AGBL1: variants seen among roughly 807,000 people sequenced by gnomAD.
AGBL1 encodes the protein cytosolic carboxypeptidase 4.
AGBL1 carries 130 observed loss-of-function variants against 118.9 expected under a neutral mutation model. The ratio of observed to expected loss-of-function variants is 1.09; its 90% CI spans 0.95 to 1.26. AGBL1 has a LOEUF of 1.26. AGBL1 is among the 50% of genes most tolerant of loss of function. The pLI is 0.00. For synonymous variants in AGBL1, 555 were observed against 478.9 expected, an observed-to-expected ratio of 1.16 and a Z score of -2.08; for missense variants, 1,584 against 1,298.1, an observed-to-expected ratio of 1.22 and a Z score of -3.38.
chr15:86,118,492 G>A (rs1045323497), intron 1 of AGBL1, among the ~76,000 whole-genome samples: 2 of 149,490 alleles, frequency 1.3e-5, no homozygotes, highest in African/African-American at 2.5e-5. Flanking sequence ...AAAAGGCAAT[G>A]AGAAGTTGCA....
intron 19 of AGBL1, among the ~76,000 whole-genome samples, chr15:86,530,048 A>G (rs12900915): frequency 0.46 from 54,450 of 119,456 alleles, 12,791 homozygotes; most frequent in East Asian, 0.65. Context: ...AAACTGCATC[A>G]ACTAACGAGC....
intron 23 of AGBL1, among the ~76,000 whole-genome samples, chr15:86,934,932 A>G (rs1032024418): frequency 1.3e-5 from 2 of 152,218 alleles, no homozygotes; most frequent in African/African-American, 4.8e-5. Flanking sequence ...TTCTGGATCC[A>G]TTCTCCTCCT....
chr15:86,662,277 T>C (rs1269139422), intron 21 of AGBL1, among the ~76,000 whole-genome samples: 1 of 152,220 alleles, frequency 6.6e-6, no homozygotes, highest in South Asian at 2.1e-4. Flanking sequence ...TCTGAAAAAA[T>C]TCACTTTTTT....
chr15:86,505,844 ATCTC>A (rs1360630484), intron 18 of AGBL1, among the ~76,000 whole-genome samples: 1 of 151,794 alleles, frequency 6.6e-6, no homozygotes, highest in Non-Finnish European at 1.5e-5. Flanking sequence ...TTTTTTTAAT[ATCTC>A]ATAAATTTTT....
chr15:86,489,969 A>G (rs2082759205), intron 18 of AGBL1, among the ~76,000 whole-genome samples: 1 of 152,112 alleles, frequency 6.6e-6, no homozygotes. Flanking sequence ...AGCAGTATAT[A>G]AAACATAAAA....
Position 86,615,897 on chromosome 15 carries a change from G to A in AGBL1, c.2995-58376G>A, listed in dbSNP as rs561915260. On this transcript the variant is annotated intron_variant, in intron 21 of 22. Transcript: ENST00000614907. This position sits in a 1 kb window ranked among gnomAD's most constrained non-coding sequence, Gnocchi z 4.3. Reference sequence around the variant, plus strand: ...TTGGGGTTATACATACATTGATAGGGGGCATCAATATAAGAAAAGATGTCA... The same window carrying A: ...TTGGGGTTATACATACATTGATAGGAGGCATCAATATAAGAAAAGATGTCA... 6.6e-6 allele frequency among the ~76,000 whole-genome samples: 1 copy of A among 151,434 alleles called. No homozygotes were observed. Among genetic ancestry groups the A allele is most frequent in the African/African-American group, 2.4e-5 (1 of 41,182 alleles).
intron 1 of AGBL1, among the ~76,000 whole-genome samples, chr15:86,096,903 A>G (rs1955149259): frequency 6.6e-6 from 1 of 152,112 alleles, no homozygotes. Flanking sequence ...TCTTAATCAG[A>G]TATCTTTTTT....
intron 22 of AGBL1, among the ~76,000 whole-genome samples, chr15:86,776,531 T>C: frequency 6.7e-6 from 1 of 149,738 alleles, no homozygotes; most frequent in South Asian, 2.1e-4. Flanking sequence ...CTTATTGATT[T>C]GTAGAAGTTC....
intron 6 of AGBL1, among the ~76,000 whole-genome samples, chr15:86,238,173 G>A (rs866045600): frequency 6.6e-6 from 1 of 152,096 alleles, no homozygotes; most frequent in African/African-American, 2.4e-5. Context: ...ATGTGAAATT[G>A]CCTTGTTTAG....
chr15:86,192,464 G>A (rs1292174844), intron 5 of AGBL1, among the ~76,000 whole-genome samples: 1 of 151,670 alleles, frequency 6.6e-6, no homozygotes, highest in African/African-American at 2.4e-5. Flanking sequence ...TCTATCACAT[G>A]GGCCATTCTA....
chr15:86,219,945 CTTTTTTTTTTTTTT>C (rs68023928), intron 5 of AGBL1, among the ~76,000 whole-genome samples: 1 of 85,778 alleles, frequency 1.2e-5, no homozygotes, highest in African/African-American at 4.3e-5. Context: ...AATGCTGCCT[CTTTTTTTTTTTTTT>C]TTTTTTTTTT....
intron 22 of AGBL1, among the ~76,000 whole-genome samples, chr15:86,753,877 T>G (rs1163601125): frequency 6.6e-6 from 1 of 152,118 alleles, no homozygotes; most frequent in African/African-American, 2.4e-5. Context: ...TCCCAGTGTC[T>G]TTTCAGGTTC....
chr15:86,244,560 AAACAT>A, intron 6 of AGBL1, among the ~76,000 whole-genome samples: 1 of 152,278 alleles, frequency 6.6e-6, no homozygotes, highest in Middle Eastern at 3.4e-3. Flanking sequence ...AAATGTTAGT[AAACAT>A]GAGAGTTTGC....
intron 22 of AGBL1, among the ~76,000 whole-genome samples, chr15:86,753,454 G>A (rs534156433): frequency 1.4e-5 from 2 of 142,042 alleles, no homozygotes; most frequent in Non-Finnish European, 3.0e-5. Context: ...CTGGAGTGCA[G>A]TGGCATGATC....
chr15:86,528,083 T>G (rs2083291349), intron 19 of AGBL1, among the ~76,000 whole-genome samples: 1 of 152,180 alleles, frequency 6.6e-6, no homozygotes, highest in African/African-American at 2.4e-5. Context: ...TATTTAAGAT[T>G]GTCCTTTTCT....
chr15:86,408,190 G>C (rs1341118816), intron 18 of AGBL1, among the ~76,000 whole-genome samples: 4 of 152,226 alleles, frequency 2.6e-5, no homozygotes, highest in Non-Finnish European at 4.4e-5. Flanking sequence ...AGAACCTGTA[G>C]GAGAAAGTTC....
At chr15:86,518,751 T>A (rs1422486342) in intron 18 of AGBL1, among the ~76,000 whole-genome samples, 1 of 151,964 alleles carries the variant, frequency 6.6e-6, no homozygotes, top group African/African-American at 2.4e-5. Context: ...TGCAAAATAA[T>A]TCAGTCTAGT....
chr15:86,659,147 A>T (rs1001356417), intron 21 of AGBL1, among the ~76,000 whole-genome samples: 5 of 151,992 alleles, frequency 3.3e-5, no homozygotes, highest in Non-Finnish European at 7.4e-5. Flanking sequence ...AGATTTCTAG[A>T]TTCTTGATCT....
At chr15:86,517,463 A>G (rs1384434095) in intron 18 of AGBL1, among the ~76,000 whole-genome samples, 5 of 152,214 alleles carry the variant, frequency 3.3e-5, no homozygotes, top group Admixed American at 3.3e-4. Context: ...TAGACCTACC[A>G]AAGTTCAAAT....
Sources: gnomAD v4.1 joint callset for allele counts (sites outside exome capture counted in the v4.1 genomes callset) on GRCh38, gnomAD v4.1.1 for gene constraint, Gnocchi (gnomAD v3.1) non-coding constraint, MANE v1.5 for transcripts, NCBI Gene and HGNC (gene_info 2026-07-23, HGNC 2026-07-21) for gene names.